Variants in TMEM132B observed in about 807,000 individuals in gnomAD.
The protein encoded by TMEM132B is transmembrane protein 132B.
In TMEM132B, 18 loss-of-function variants were observed where a neutral mutation model predicts 90.8. The observed-to-expected ratio is 0.20, with a 90% CI of 0.14 to 0.29. TMEM132B has a LOEUF of 0.29. Among genes scored for constraint, TMEM132B ranks in the 10% least tolerant of loss-of-function variants. The probability of loss-of-function intolerance (pLI) is 1.00; values close to 1 mark genes in which losing one functional copy is unlikely to be tolerated. For synonymous variants in TMEM132B, 504 were observed against 523.3 expected (o/e 0.96, Z 0.50); for missense variants, 1,096 against 1,326.8 (o/e 0.83, Z 2.70).
At chr12:125,199,301 A>AGGAGGGG (rs1873001330) in intron 1 of TMEM132B, among the ~76,000 whole-genome samples, 1 of 152,176 alleles carries the variant, frequency 6.6e-6, no homozygotes, top group Non-Finnish European at 1.5e-5. Flanking sequence ...CTGATGGAAA[A>AGGAGGGG]GGAGGGGAGA....
chr12:125,440,126 G>A (rs1013759170), intron 3 of TMEM132B, among the ~76,000 whole-genome samples: 7 of 152,090 alleles, frequency 4.6e-5, no homozygotes, highest in Non-Finnish European at 8.8e-5. Context: ...TTGGCCTGAA[G>A]TTTTCTTTTT....
intron 3 of TMEM132B, among the ~76,000 whole-genome samples, chr12:125,436,117 G>T (rs11058171): frequency 0.016 from 2,503 of 152,324 alleles, 70 homozygotes; most frequent in African/African-American, 0.057. Context: ...GCGTGGTCAT[G>T]TTCCAGTGGA....
intron 2 of TMEM132B, among the ~76,000 whole-genome samples, chr12:125,404,122 GTGAGTTGCATC>G (rs570755553): frequency 7.1e-4 from 108 of 152,270 alleles, no homozygotes; most frequent in African/African-American, 2.5e-3. Flanking sequence ...AACGTCTATA[GTGAGTTGCATC>G]TGAATTTGGC....
intron 4 of TMEM132B, among the ~76,000 whole-genome samples, chr12:125,531,834 G>A (rs573738257): frequency 1.3e-5 from 2 of 152,330 alleles, no homozygotes; most frequent in East Asian, 3.9e-4. Context: ...AACCGTCTTT[G>A]TCGGCTGAGC....
rs914894111 is a variant in TMEM132B, at chr12:125,656,834, C to T, written c.*2124C>T. 3 of 152,224 alleles carry T rather than the reference C, an allele frequency of 2.0e-5. No homozygotes were observed. The highest frequency in any genetic ancestry group is 4.4e-5 in the Non-Finnish European group (3 of 68,078). 9.4% of individuals were successfully genotyped at this position (152,224 alleles called of 1,614,324 possible). ...TATGAGGCTTTTCAATCGTCTCTCC[C>T]TTTGGATCTCTGGCATTCCAGAAAG... is the stretch of plus-strand genomic sequence containing the variant. On this transcript the variant is annotated 3_prime_UTR_variant, in exon 9 of 9. Transcript: ENST00000682704.
intron 2 of TMEM132B, among the ~76,000 whole-genome samples, chr12:125,376,070 TA>T (rs1878470244): frequency 6.6e-6 from 1 of 152,106 alleles, no homozygotes; most frequent in Admixed American, 6.5e-5. Context: ...GTCAAGGAGG[TA>T]GTGTCTGTCT....
intron 5 of TMEM132B, chr12:125,585,377 CAGG>C (rs1198222012): frequency 6.6e-6 from 1 of 152,302 alleles, no homozygotes; most frequent in East Asian, 1.9e-4. Flanking sequence ...AGCCAAGTCA[CAGG>C]AGATTATATG....
intron 2 of TMEM132B, among the ~76,000 whole-genome samples, chr12:125,372,857 G>C (rs1285082024): frequency 6.6e-6 from 1 of 152,060 alleles, no homozygotes. Context: ...GTCTTTTCTA[G>C]GCTCCTGGAA....
chr12:125,521,303 C>T (rs1022821186), intron 4 of TMEM132B, among the ~76,000 whole-genome samples: 1 of 152,134 alleles, frequency 6.6e-6, no homozygotes. Context: ...TTCTTCTCCT[C>T]CTTCCTCTTC....
intron 5 of TMEM132B, among the ~76,000 whole-genome samples, chr12:125,591,591 G>C (rs1885320019): frequency 6.6e-6 from 1 of 152,142 alleles, no homozygotes; most frequent in African/African-American, 2.4e-5. Context: ...CCACAAACTT[G>C]ATGGCTTAAA....
chr12:125,431,209 G>A (rs922552564), intron 3 of TMEM132B, among the ~76,000 whole-genome samples: 2 of 152,130 alleles, frequency 1.3e-5, no homozygotes, highest in African/African-American at 4.8e-5. Context: ...GGAGGAGCAA[G>A]GGTGGAGCCT....
At chr12:125,512,031 A>G (rs1461221246) in intron 3 of TMEM132B, among the ~76,000 whole-genome samples, 1 of 152,102 alleles carries the variant, frequency 6.6e-6, no homozygotes, top group Non-Finnish European at 1.5e-5. Context: ...GGACAAGGGT[A>G]AGAGTGGAAA....
chr12:125,480,770 T>A (rs929999745), intron 3 of TMEM132B, among the ~76,000 whole-genome samples: 4 of 152,168 alleles, frequency 2.6e-5, no homozygotes, highest in Non-Finnish European at 5.9e-5. Context: ...GAGGCCAGCA[T>A]CATCCTGATA....
intron 1 of TMEM132B, among the ~76,000 whole-genome samples, chr12:125,308,109 T>A (rs1876038957): frequency 6.8e-6 from 1 of 146,270 alleles, no homozygotes; most frequent in Non-Finnish European, 1.5e-5. Context: ...ACAAGTATAT[T>A]ACAAGTATAT....
chr12:125,525,578 C>T (rs905872235), intron 4 of TMEM132B, among the ~76,000 whole-genome samples: 28 of 152,218 alleles, frequency 1.8e-4, no homozygotes, highest in Non-Finnish European at 5.9e-5. Context: ...TCTTGGCCTT[C>T]CAGCATCCAG....
intron 1 of TMEM132B, chr12:125,301,267 G>A (rs1875816499): frequency 6.6e-6 from 1 of 152,216 alleles, no homozygotes; most frequent in African/African-American, 2.4e-5. Context: ...GTGCTGAGTT[G>A]TCAAAGGACA....
chr12:125,375,883 A>G (rs1878464724), intron 2 of TMEM132B, among the ~76,000 whole-genome samples: 1 of 152,248 alleles, frequency 6.6e-6, no homozygotes, highest in Non-Finnish European at 1.5e-5. Flanking sequence ...CTTAGAGGCC[A>G]CCTAAAATCA....
chr12:125,375,946 T>A (rs1331313483), intron 2 of TMEM132B, among the ~76,000 whole-genome samples: 1 of 152,242 alleles, frequency 6.6e-6, no homozygotes, highest in East Asian at 1.9e-4. Flanking sequence ...TGGTTTCAGG[T>A]GATAACTCAG....
chr12:125,620,719 G>A (rs546206082), intron 5 of TMEM132B, among the ~76,000 whole-genome samples: 1 of 152,296 alleles, frequency 6.6e-6, no homozygotes, highest in East Asian at 1.9e-4. Context: ...CAATAATGGT[G>A]GAAGGGGAAG....
Sources: gnomAD v4.1 joint callset for allele counts (sites outside exome capture counted in the v4.1 genomes callset) on GRCh38, gnomAD v4.1.1 for gene constraint, MANE v1.5 for transcripts, NCBI Gene and HGNC (gene_info 2026-07-23, HGNC 2026-07-21) for gene names.